PPIG: variants seen among roughly 807,000 people sequenced by gnomAD.
The protein encoded by PPIG is peptidyl-prolyl cis-trans isomerase G.
In PPIG, 26 loss-of-function variants were observed where a neutral mutation model predicts 87.9. The observed-to-expected ratio is 0.30, with a 90% CI of 0.22 to 0.41. The LOEUF (loss-of-function observed/expected upper bound fraction) is 0.41, where lower values mean the gene tolerates loss of function less well. PPIG is among the 10% of genes least tolerant of loss of function. The pLI, the probability that PPIG is intolerant of heterozygous loss-of-function variation, is 1.00. For missense variants in PPIG, 722 were observed against 879.4 expected (o/e 0.82, Z 2.26); for synonymous variants, 308 against 276.5 (o/e 1.11, Z -1.13).
At chr2:169,605,214 A>G (rs1356769609) in intron 4 of PPIG, among the ~76,000 whole-genome samples, 1 of 152,030 alleles carries the variant, frequency 6.6e-6, no homozygotes, top group Non-Finnish European at 1.5e-5. Context: ...GGTGCCTGTA[A>G]TCCCAGCTAC....
chr2:169,602,738 A>C (rs887345452), intron 1 of PPIG, among the ~76,000 whole-genome samples: 1 of 152,232 alleles, frequency 6.6e-6, no homozygotes, highest in Admixed American at 6.5e-5. Context: ...TTTCAGATGA[A>C]TAGTAAGACA....
intron 9 of PPIG, among the ~76,000 whole-genome samples, chr2:169,618,496 G>C (rs981002158): frequency 3.9e-5 from 6 of 152,090 alleles, no homozygotes; most frequent in Non-Finnish European, 7.4e-5. Flanking sequence ...GCTTTTTTTG[G>C]TTGGTAGTCT....
intron 9 of PPIG, among the ~76,000 whole-genome samples, chr2:169,616,234 T>C (rs368944930): frequency 4.6e-5 from 7 of 152,216 alleles, no homozygotes; most frequent in Admixed American, 2.0e-4. Context: ...ACATTTTCTT[T>C]ATCCTGTCTA....
intron 1 of PPIG, among the ~76,000 whole-genome samples, chr2:169,588,496 A>G (rs938969286): frequency 6.6e-6 from 1 of 152,202 alleles, no homozygotes; most frequent in East Asian, 1.9e-4. Context: ...AGATTGGATC[A>G]GGTTATCTCT....
intron 1 of PPIG, among the ~76,000 whole-genome samples, chr2:169,598,190 G>A (rs1574439802): frequency 1.3e-5 from 2 of 151,860 alleles, no homozygotes; most frequent in African/African-American, 2.4e-5. Context: ...CTGTAGAGAC[G>A]GTTTTGCCAT....
In PPIG at chr2:169,584,491, G is replaced by A. The variant is rs2276611; in HGVS notation, c.-70+1G>A. ...GAAGAGGAAAACTCTACCGGTGCAG[G>A]TAAGTGGTATGAGGCTCAAGTTGTT... On this transcript the variant is annotated splice_donor_variant, in intron 1 of 13. Coordinates refer to ENST00000260970, the MANE Select transcript of PPIG (RefSeq NM_004792.3). LOFTEE classifies it low-confidence loss of function (5UTR_SPLICE). The A allele has an allele frequency of 0.16, 75,844 of 470,750 alleles. 6,741 individuals are homozygous for A. The highest frequency in any genetic ancestry group is 0.25 in the South Asian group (15,889 of 64,548). The allele number at this position is 470,750 out of a possible 1,614,324, so 29.2% of individuals were successfully genotyped here. A position where few individuals can be genotyped will look rare whatever the true frequency, so the allele number is the denominator to read the frequency against.
intron 9 of PPIG, among the ~76,000 whole-genome samples, chr2:169,628,025 T>G (rs1685939287): frequency 1.3e-5 from 2 of 152,132 alleles, no homozygotes; most frequent in African/African-American, 4.8e-5. Context: ...TTAGCATATA[T>G]AAGTAGATTT....
At chr2:169,623,056 C>A in intron 9 of PPIG, among the ~76,000 whole-genome samples, 1 of 152,038 alleles carries the variant, frequency 6.6e-6, no homozygotes, top group East Asian at 1.9e-4. Context: ...TCTCTCTTTG[C>A]AATTTTGAGA....
At chr2:169,607,258 T>C (rs1685358795) in intron 6 of PPIG, 110 bp downstream of exon 6, 1 of 632,778 alleles carries the variant, frequency 1.6e-6, no homozygotes, top group Non-Finnish European at 2.6e-6. Flanking sequence ...AATGTCTAGC[T>C]GCCTTCAACT....
chr2:169,623,614 G>T (rs1332399679), intron 9 of PPIG, among the ~76,000 whole-genome samples: 2 of 152,188 alleles, frequency 1.3e-5, no homozygotes, highest in Admixed American at 1.3e-4. Context: ...TTGTACTCAG[G>T]AGACAAGTGA....
At chr2:169,593,119 T>C (rs887936437) in intron 1 of PPIG, among the ~76,000 whole-genome samples, 5 of 142,150 alleles carry the variant, frequency 3.5e-5, no homozygotes, top group African/African-American at 1.4e-4. Flanking sequence ...GTTAGAAGAC[T>C]GTGTGTGTAT....
chr2:169,601,646 G>A (rs536468297), intron 1 of PPIG, among the ~76,000 whole-genome samples: 61 of 152,132 alleles, frequency 4.0e-4, no homozygotes, highest in Non-Finnish European at 7.5e-4. Context: ...TGATGAAAGA[G>A]TAGGCTGTTG....
At position 169,641,080 on chromosome 2, in the gene PPIG, A is replaced by G. The variant is rs1686300657; in HGVS notation, c.*3557A>G. On this transcript the variant is annotated 3_prime_UTR_variant, in exon 14 of 14. Transcript: ENST00000260970. The stretch of plus-strand genomic sequence containing the variant: ...TCTTCCCCTTTTGTGTGTATATAGT[A>G]TTTTGAAAGATAAATGAATTGGGTA... 1.3e-5 allele frequency: 2 copies of G among 152,288 alleles called. No individual in the cohort carries two copies. Among genetic ancestry groups the G allele is most frequent in the South Asian group, 4.1e-4 (2 of 4,824 alleles). The allele number at this position is 152,288 out of a possible 1,614,324, so 9.4% of individuals were successfully genotyped here.
Position 169,631,815 on chromosome 2 carries a change from A to C in PPIG, c.811A>C (p.Thr271Pro). Reference sequence around the variant, plus strand: ...AAATCTTGAAGCACAACCCCAGTCTACTGTCCGTCCAGAAGAGATCCCTCC... The same window carrying C: ...AAATCTTGAAGCACAACCCCAGTCTCCTGTCCGTCCAGAAGAGATCCCTCC... ...AENLEAQPQS[T>P]VRPEEIPPIP... The change falls in exon 11 of 14, where the codon ACT (threonine) becomes CCT (proline). Residue 271 changes from threonine (T) to proline (P), a missense_variant. Physicochemically the swap from Thr to Pro is conservative, Grantham distance 38. Coordinates refer to ENST00000260970, the MANE Select transcript of PPIG (RefSeq NM_004792.3). 2 of 1,613,792 alleles carry C rather than the reference A, an allele frequency of 1.2e-6. No individual in the cohort carries two copies. Among genetic ancestry groups the C allele is most frequent in the South Asian group, 2.2e-5 (2 of 91,078 alleles).
intron 1 of PPIG, among the ~76,000 whole-genome samples, chr2:169,593,162 A>G (rs990458119): frequency 1.3e-5 from 2 of 151,690 alleles, no homozygotes; most frequent in African/African-American, 4.8e-5. Context: ...TTTTTTCTTT[A>G]TAATAGCAGT....
Position 169,593,717 on chromosome 2 carries a change from T to A in PPIG, c.-70+9227T>A, listed in dbSNP as rs564796355. ...CCCAGGTTGGAGTGCAGTGGCGTGATCTCGGCTCACTGCAAGCTTCACCTC... is the reference window on the plus strand; with the variant it reads ...CCCAGGTTGGAGTGCAGTGGCGTGAACTCGGCTCACTGCAAGCTTCACCTC... On this transcript the variant is annotated intron_variant, in intron 1 of 13. Coordinates refer to ENST00000260970, the MANE Select transcript of PPIG (RefSeq NM_004792.3). Among the ~76,000 whole-genome samples the A allele has an allele frequency of 6.1e-5, 9 of 148,542 alleles. No individual in the cohort carries two copies. In the South Asian group the frequency reaches 1.9e-3, roughly 32 times the overall value.
intron 9 of PPIG, among the ~76,000 whole-genome samples, chr2:169,628,939 C>CAAAAAAAAAAAAAAAAAA (rs71006010): frequency 2.2e-5 from 2 of 92,330 alleles, no homozygotes; most frequent in African/African-American, 8.1e-5. Flanking sequence ...ACCCTGTCTC[C>CAAAAAAAAAAAAAAAAAA]AAAAAAAAAA....
chr2:169,624,649 G>A (rs951448888), intron 9 of PPIG, among the ~76,000 whole-genome samples: 2 of 152,158 alleles, frequency 1.3e-5, no homozygotes, highest in South Asian at 4.1e-4. Context: ...GTGCAGTGGT[G>A]CGTTCTCGGC....
At chr2:169,628,534 A>G (rs11686472) in intron 9 of PPIG, among the ~76,000 whole-genome samples, 19,839 of 152,160 alleles carry the variant, frequency 0.13, 1,467 homozygotes, top group Non-Finnish European at 0.18. Flanking sequence ...TGATTCAGGC[A>G]CAGCAGCACA....
Sources: gnomAD v4.1 joint callset for allele counts (sites outside exome capture counted in the v4.1 genomes callset) on GRCh38, gnomAD v4.1.1 for gene constraint, MANE v1.5 for transcripts, NCBI Gene and HGNC (gene_info 2026-07-23, HGNC 2026-07-21) for gene names.